NRG1: variants seen among roughly 807,000 people sequenced by gnomAD.
NRG1 encodes pro-neuregulin-1, membrane-bound isoform.
Under a neutral mutation model 63.8 loss-of-function variants are expected in NRG1, and 18 were observed. That is an observed-to-expected ratio of 0.28 (90% CI 0.19 to 0.42). The LOEUF (loss-of-function observed/expected upper bound fraction) is 0.42. NRG1 is among the 10% of genes least tolerant of loss of function. NRG1 has a pLI of 1.00. For synonymous variants in NRG1, 302 were observed against 301.3 expected (o/e 1.00, Z -0.02); for missense variants, 762 against 814.7 (o/e 0.94, Z 0.79).
chr8:32,083,911 T>C (rs1024451391), intron 1 of NRG1, among the ~76,000 whole-genome samples: 5 of 152,168 alleles, frequency 3.3e-5, no homozygotes, highest in Admixed American at 2.0e-4. Flanking sequence ...CCCAGCAAGA[T>C]GACTGACAAA....
At chr8:32,421,303 T>C (rs1452738853) in intron 1 of NRG1, among the ~76,000 whole-genome samples, 2 of 152,026 alleles carry the variant, frequency 1.3e-5, no homozygotes, top group Non-Finnish European at 2.9e-5. Flanking sequence ...AAGGGACCAA[T>C]ATGAGATGTA....
At chr8:31,678,213 G>A (rs184163366) in intron 1 of NRG1, among the ~76,000 whole-genome samples, 1 of 152,096 alleles carries the variant, frequency 6.6e-6, no homozygotes, top group East Asian at 1.9e-4. Context: ...GAAATAAAAG[G>A]TTCCATGGTC....
chr8:32,364,134 T>C (rs1353089203), intron 1 of NRG1, among the ~76,000 whole-genome samples: 1 of 134,418 alleles, frequency 7.4e-6, no homozygotes, highest in Non-Finnish European at 1.6e-5. Context: ...GATCATATAA[T>C]ACACAAATAT....
rs964301197 is a variant in NRG1, at chr8:32,236,136, T to C, written c.38-359692T>C. ...TTTTGTTTTTGTGTGTGTATGTGTG[T>C]GTGTGTGTGTGAATGTGTGTGTGTG... On this transcript the variant is annotated intron_variant, in intron 1 of 10. Transcript: ENST00000519301. Among the ~76,000 whole-genome samples the C allele has an allele frequency of 3.3e-5, 5 of 151,698 alleles. No homozygotes were observed. The South Asian group carries it at 8.3e-4, about 25-fold the overall frequency.
At chr8:32,686,579 A>C (rs945101948) in intron 5 of NRG1, among the ~76,000 whole-genome samples, 7 of 152,208 alleles carry the variant, frequency 4.6e-5, no homozygotes, top group Non-Finnish European at 8.8e-5. Flanking sequence ...CTCAGATACA[A>C]GATTATTTGT....
rs552528735 is a variant in NRG1, at chr8:31,941,552, A to G, written c.37+302121A>G. On this transcript the variant is annotated intron_variant, in intron 1 of 10. Coordinates refer to the NRG1 transcript ENST00000519301. Reference sequence around the variant, plus strand: ...CAGGAATCTTAGCCAGAGCAATCAGACAAGACAAAGAAATTAAGAGCATCC... The same window carrying G: ...CAGGAATCTTAGCCAGAGCAATCAGGCAAGACAAAGAAATTAAGAGCATCC... Among the ~76,000 whole-genome samples, 14 of 152,226 alleles carry G rather than the reference A, an allele frequency of 9.2e-5. No individual in the cohort carries two copies. The South Asian group carries it at 2.9e-3, about 32-fold the overall frequency.
At chr8:31,676,655 C>T (rs745720702) in intron 1 of NRG1, among the ~76,000 whole-genome samples, 9 of 152,250 alleles carry the variant, frequency 5.9e-5, no homozygotes, top group East Asian at 1.9e-4. Context: ...CTGGTGCATG[C>T]GCACATGTGA....
chr8:32,695,468 C>G (rs1363895456), intron 5 of NRG1, among the ~76,000 whole-genome samples: 1 of 152,120 alleles, frequency 6.6e-6, no homozygotes, highest in Non-Finnish European at 1.5e-5. Flanking sequence ...GTACCCTTAT[C>G]ACAGTTTTAT....
At chr8:31,940,125 T>G (rs1360207537) in intron 1 of NRG1, among the ~76,000 whole-genome samples, 1 of 152,120 alleles carries the variant, frequency 6.6e-6, no homozygotes, top group African/African-American at 2.4e-5. Flanking sequence ...CATGGAACAT[T>G]GTCCAAGATA....
downstream of NRG1, among the ~76,000 whole-genome samples, chr8:32,768,812 T>G (rs1222933440): frequency 2.0e-5 from 3 of 152,150 alleles, no homozygotes; most frequent in Admixed American, 6.6e-5. Flanking sequence ...AACAGTGGCC[T>G]CCTTTGGAGT....
At chr8:32,758,696 A>G (rs1217088365) in intron 9 of NRG1, among the ~76,000 whole-genome samples, 1 of 151,906 alleles carries the variant, frequency 6.6e-6, no homozygotes, top group Non-Finnish European at 1.5e-5. Context: ...CTTTGTCAAG[A>G]TGTGTGCATT....
chr8:31,856,011 G>T (rs903866535), intron 1 of NRG1, among the ~76,000 whole-genome samples: 1 of 151,046 alleles, frequency 6.6e-6, no homozygotes, highest in Admixed American at 6.6e-5. Flanking sequence ...TCCCTTTGAG[G>T]GTAACCCGAC....
chr8:32,722,145 G>C, intron 5 of NRG1: 2 of 1,005,116 alleles, frequency 2.0e-6, no homozygotes, highest in Non-Finnish European at 2.9e-6. Context: ...GAGTTATTTG[G>C]TTTAATTTTC....
At chr8:31,742,240 C>T (rs1774780321) in intron 1 of NRG1, among the ~76,000 whole-genome samples, 1 of 151,650 alleles carries the variant, frequency 6.6e-6, no homozygotes, top group African/African-American at 2.4e-5. Flanking sequence ...TAATGGTCAC[C>T]TGTGGAGGGA....
At chr8:32,503,697 C>A (rs112031710) in intron 1 of NRG1, among the ~76,000 whole-genome samples, 44 of 152,254 alleles carry the variant, frequency 2.9e-4, no homozygotes, top group Middle Eastern at 3.4e-3. Context: ...AGCGGTGAAT[C>A]CATACGGGTA....
intron 1 of NRG1, among the ~76,000 whole-genome samples, chr8:32,226,725 A>G (rs1329447755): frequency 1.3e-5 from 2 of 152,272 alleles, no homozygotes; most frequent in African/African-American, 2.4e-5. Flanking sequence ...GTATCACAGG[A>G]CAGCAAACAT....
intron 1 of NRG1, among the ~76,000 whole-genome samples, chr8:31,997,685 C>T (rs1269225575): frequency 2.6e-5 from 4 of 151,966 alleles, no homozygotes; most frequent in African/African-American, 9.7e-5. Context: ...CATCATCACA[C>T]TGTCTCCTTC....
chr8:32,169,400 GA>G (rs1266374333), intron 1 of NRG1, among the ~76,000 whole-genome samples: 1 of 152,178 alleles, frequency 6.6e-6, no homozygotes, highest in African/African-American at 2.4e-5. Flanking sequence ...TAGGATTTGC[GA>G]TTTGTCGGAG....
chr8:32,243,235 C>T (rs1848285729), intron 1 of NRG1, among the ~76,000 whole-genome samples: 5 of 152,004 alleles, frequency 3.3e-5, no homozygotes, highest in Admixed American at 2.6e-4. Context: ...ACGAGCCTGG[C>T]CAACATGGTG....
Sources: gnomAD v4.1 joint callset for allele counts (sites outside exome capture counted in the v4.1 genomes callset) on GRCh38, gnomAD v4.1.1 for gene constraint, MANE v1.5 for transcripts, NCBI Gene and HGNC (gene_info 2026-07-23, HGNC 2026-07-21) for gene names.